PLEKHA2: variants seen among roughly 807,000 people sequenced by gnomAD.
PLEKHA2 encodes pleckstrin homology domain-containing family A member 2.
In PLEKHA2, 28 loss-of-function variants were observed where a neutral mutation model predicts 53.2. The observed-to-expected ratio is 0.53, with a 90% CI of 0.39 to 0.72. The LOEUF (loss-of-function observed/expected upper bound fraction) is 0.72. Among genes scored for constraint, PLEKHA2 ranks in the 30% least tolerant of loss-of-function variants. The pLI, the probability that PLEKHA2 is intolerant of heterozygous loss-of-function variation, is 0.00. For synonymous variants in PLEKHA2, 193 were observed against 196.4 expected (o/e 0.98, Z 0.14); for missense variants, 426 against 537.9 (o/e 0.79, Z 2.06).
intron 2 of PLEKHA2, among the ~76,000 whole-genome samples, chr8:38,934,958 T>C (rs1834466145): frequency 6.6e-6 from 1 of 152,202 alleles, no homozygotes; most frequent in Non-Finnish European, 1.5e-5. Context: ...TCACACTTGC[T>C]GAGAGTCTTC....
At chr8:38,906,230 T>G (rs1209331984) in intron 1 of PLEKHA2, among the ~76,000 whole-genome samples, 1 of 152,270 alleles carries the variant, frequency 6.6e-6, no homozygotes, top group African/African-American at 2.4e-5. Flanking sequence ...CTGGTGGAGA[T>G]GGTCTGATGA....
At position 38,969,458 on chromosome 8, in the gene PLEKHA2, C is replaced by T. The variant is rs1210133371; in HGVS notation, c.953C>T (p.Pro318Leu). ...SFSRSISLTRPGSSSLSSGPN... is the reference protein window; with the variant it reads ...SFSRSISLTRLGSSSLSSGPN... The stretch of plus-strand genomic sequence containing the variant: ...TCTAGATCCATTTCTTTGACCCGAC[C>T]TGGAAGCTCCAGCCTTTCAAGTGGG... Residue 318 changes from proline to leucine, a missense_variant, in exon 12 of 12, where the codon CCT becomes CTT. By Grantham distance (98) the Pro-to-Leu change is moderately conservative. Transcript: ENST00000617275. 1 of 1,613,640 alleles carries T rather than the reference C, an allele frequency of 6.2e-7. No individual in the cohort carries two copies. Among genetic ancestry groups the T allele is most frequent in the Admixed American group, 1.7e-5 (1 of 59,926 alleles).
intron 1 of PLEKHA2, among the ~76,000 whole-genome samples, chr8:38,903,034 G>A (rs146933979): frequency 6.6e-6 from 1 of 152,236 alleles, no homozygotes; most frequent in East Asian, 1.9e-4. Context: ...CATGTACCAG[G>A]TGCTAAGTAA....
intron 1 of PLEKHA2, among the ~76,000 whole-genome samples, chr8:38,913,384 A>AG (rs1833984225): frequency 6.6e-6 from 1 of 151,422 alleles, no homozygotes; most frequent in Non-Finnish European, 1.5e-5. Context: ...AAAAAAAAAA[A>AG]AAGAAAAAGG....
chr8:38,917,174 T>C (rs181367763), intron 1 of PLEKHA2, among the ~76,000 whole-genome samples: 80 of 152,344 alleles, frequency 5.3e-4, no homozygotes, highest in African/African-American at 1.9e-3. Flanking sequence ...TTCTGGTTAT[T>C]AGTCCCTTGT....
intron 2 of PLEKHA2, among the ~76,000 whole-genome samples, chr8:38,928,127 A>T (rs1488857540): frequency 6.6e-6 from 1 of 151,254 alleles, no homozygotes; most frequent in African/African-American, 2.4e-5. Flanking sequence ...GGGCTGATGG[A>T]GTTGGCTTAT....
chr8:38,953,498 T>C, intron 9 of PLEKHA2, 131 bp downstream of exon 9: 2 of 931,408 alleles, frequency 2.1e-6, no homozygotes, highest in Admixed American at 2.1e-5. Flanking sequence ...GCCTAACACC[T>C]TGTGGCTGAC....
chr8:38,955,558 C>T (rs1834923957), intron 9 of PLEKHA2, among the ~76,000 whole-genome samples: 1 of 152,158 alleles, frequency 6.6e-6, no homozygotes, highest in South Asian at 2.1e-4. Context: ...CAAGTTTTTA[C>T]AACATTCTCA....
chr8:38,959,894 A>G (rs10958812), intron 10 of PLEKHA2, among the ~76,000 whole-genome samples: 107,872 of 152,016 alleles, frequency 0.71, 38,441 homozygotes, highest in East Asian at 0.84. Flanking sequence ...AGGTTAGCAT[A>G]GGTGGTTCAG....
Position 38,922,306 on chromosome 8 carries a change from T to C in PLEKHA2, c.141+4236T>C, listed in dbSNP as rs1437727314. Among the ~76,000 whole-genome samples, 1 of 152,248 alleles carries C rather than the reference T, an allele frequency of 6.6e-6. No individual in the cohort carries two copies. The highest frequency in any genetic ancestry group is 1.5e-5 in the Non-Finnish European group (1 of 68,010). On this transcript the variant is annotated intron_variant, in intron 2 of 11. Transcript: ENST00000617275. This position sits in a 1 kb window ranked among gnomAD's most constrained non-coding sequence, Gnocchi z 4.0. ...ACTCGTGTGGCTTAGTTTTTTATCA[T>C]AGTGTTTCCAGCATTTGATGAATAT...
At chr8:38,953,239 TG>T in intron 8 of PLEKHA2, 57 bp from the exon 9 acceptor site, 4 of 1,398,318 alleles carry the variant, frequency 2.9e-6, no homozygotes, top group Non-Finnish European at 4.1e-6. Flanking sequence ...TCAGCTGGTC[TG>T]GGTCGTGATA....
chr8:38,901,374 A>C lies in PLEKHA2; in HGVS notation c.-95A>C, dbSNP rs1305908366. ...CCCAGAAATCCCTGGAGCGCGGCGG[A>C]CCCGGCGGCCGGAGGGGCGACCCCG... On this transcript the variant is annotated 5_prime_UTR_variant, in exon 1 of 12. Coordinates refer to ENST00000617275, the MANE Select transcript of PLEKHA2 (RefSeq NM_021623.2). 1 of 151,246 alleles carries C rather than the reference A, an allele frequency of 6.6e-6. No homozygotes were observed. Among genetic ancestry groups the C allele is most frequent in the African/African-American group, 2.4e-5 (1 of 40,942 alleles). 9.4% of individuals were successfully genotyped at this position (151,246 alleles called of 1,614,324 possible).
Position 38,951,431 on chromosome 8 carries a change from G to A in PLEKHA2, c.486+441G>A, listed in dbSNP as rs371850046. Among the ~76,000 whole-genome samples, 41 of 149,972 alleles carry A rather than the reference G, an allele frequency of 2.7e-4. 1 individual carries two copies. Among genetic ancestry groups the A allele is most frequent in the African/African-American group, 9.1e-4 (37 of 40,688 alleles). On this transcript the variant is annotated intron_variant, in intron 6 of 11. Coordinates refer to ENST00000617275, the MANE Select transcript of PLEKHA2 (RefSeq NM_021623.2). Reference sequence around the variant, plus strand: ...TAGAGTGCATGACAGAGAAAGGAAAGGTTTATTTTCCTGTTTTAATTATTT... The same window carrying A: ...TAGAGTGCATGACAGAGAAAGGAAAAGTTTATTTTCCTGTTTTAATTATTT...
chr8:38,920,173 C>CG (rs1297243627), intron 2 of PLEKHA2, among the ~76,000 whole-genome samples: 2 of 151,982 alleles, frequency 1.3e-5, no homozygotes, highest in African/African-American at 2.4e-5. Flanking sequence ...AGTTTTGAGA[C>CG]GGGGTCTCTC....
chr8:38,937,534 C>T (rs1349814766), intron 3 of PLEKHA2, among the ~76,000 whole-genome samples: 1 of 151,972 alleles, frequency 6.6e-6, no homozygotes, highest in Non-Finnish European at 1.5e-5. Context: ...AGAATGAATT[C>T]AGTCTCCTGC....
Position 38,969,977 on chromosome 8 carries a change from G to GTGTGTGTA in PLEKHA2, c.*195_*196insGTGTGTAT, listed in dbSNP as rs1364414350. 9 of 712,014 alleles carry GTGTGTGTA rather than the reference G, an allele frequency of 1.3e-5. No homozygotes were observed. In the African/African-American group the frequency reaches 1.7e-4, roughly 13 times the overall value. 44.1% of individuals were successfully genotyped at this position (712,014 alleles called of 1,614,324 possible). On this transcript the variant is annotated 3_prime_UTR_variant, in exon 12 of 12. Transcript: ENST00000617275. ...TGTGTGTGTGTGTGTGTGTGTGTGT[G>GTGTGTGTA]TAATATCAACGCAGTGTATTTAATT...
intron 3 of PLEKHA2, among the ~76,000 whole-genome samples, chr8:38,942,762 G>C (rs1486202879): frequency 6.6e-6 from 1 of 152,184 alleles, no homozygotes; most frequent in African/African-American, 2.4e-5. Flanking sequence ...TGAATGATGA[G>C]AGTTCACATA....
intron 3 of PLEKHA2, among the ~76,000 whole-genome samples, chr8:38,941,317 A>T (rs1167526634): frequency 6.6e-6 from 1 of 152,184 alleles, no homozygotes; most frequent in East Asian, 1.9e-4. Context: ...TGGCCTCCCA[A>T]AGTACTGGGA....
chr8:38,965,043 C>CA (rs1480593207), intron 10 of PLEKHA2, among the ~76,000 whole-genome samples: 11 of 151,798 alleles, frequency 7.2e-5, no homozygotes, highest in Non-Finnish European at 1.5e-4. Context: ...TATTTTTCTA[C>CA]ATTTATTATC....
Sources: gnomAD v4.1 joint callset for allele counts (sites outside exome capture counted in the v4.1 genomes callset) on GRCh38, gnomAD v4.1.1 for gene constraint, Gnocchi (gnomAD v3.1) non-coding constraint, MANE v1.5 for transcripts, NCBI Gene and HGNC (gene_info 2026-07-23, HGNC 2026-07-21) for gene names.